The following DENND3 variants were observed in gnomAD, a reference collection of about 807,000 sequenced individuals.
The protein encoded by DENND3 is DENN domain containing 3.
In DENND3, 88 loss-of-function variants were observed where a neutral mutation model predicts 135.1. The ratio of observed to expected loss-of-function variants is 0.65; its 90% CI spans 0.55 to 0.78. DENND3 has a LOEUF of 0.78. DENND3 is among the 30% of genes least tolerant of loss of function. The pLI is 0.00. For missense variants in DENND3, 1,392 were observed against 1,688.4 expected (o/e 0.82, Z 3.08); for synonymous variants, 693 against 712.3 (o/e 0.97, Z 0.43).
intron 8 of DENND3, among the ~76,000 whole-genome samples, chr8:141,159,087 G>A (rs1211581688): frequency 6.6e-6 from 1 of 152,232 alleles, no homozygotes; most frequent in East Asian, 1.9e-4. Context: ...AAGGGTAGTT[G>A]CCCAAGTCCT....
In DENND3 at chr8:141,151,662, C is replaced by T. The variant is rs759722612; in HGVS notation, c.899C>T (p.Ser300Phe). ...ACGGAACAGCGGATCGTCTTCTTCT[C>T]CTCGGACTGGGCTCTGCTGACGCTG... is the stretch of plus-strand genomic sequence containing the variant. ...ILTEQRIVFF[S>F]SDWALLTLVT... The change falls in exon 7 of 23, where the codon TCC (serine) becomes TTC (phenylalanine). Residue 300 changes from serine to phenylalanine, a missense_variant. Coordinates refer to ENST00000519811, the MANE Select transcript of DENND3 (RefSeq NM_001352890.3). 1.2e-6 allele frequency: 2 copies of T among 1,614,088 alleles called. No individual in the cohort carries two copies. Among genetic ancestry groups the T allele is most frequent in the East Asian group, 2.2e-5 (1 of 44,874 alleles).
At position 141,156,347 on chromosome 8, in the gene DENND3, C is replaced by T. The variant is rs543948294; in HGVS notation, c.1196+377C>T. On this transcript the variant is annotated intron_variant, in intron 8 of 22. Transcript: ENST00000519811. ...TCAAGTGATCTGCCCACCTTGGCTT[C>T]CCAAAGTGCTGGGATTACAGGTGTG... Among the ~76,000 whole-genome samples the T allele has an allele frequency of 8.5e-5, 13 of 152,258 alleles. No homozygotes were observed. In the East Asian group the frequency reaches 1.4e-3, roughly 16 times the overall value.
intron 8 of DENND3, chr8:141,157,440 C>T: frequency 1.0e-6 from 1 of 985,526 alleles, no homozygotes; most frequent in Non-Finnish European, 1.2e-6. Context: ...CTTGAGTCCT[C>T]ACAACCTGTG....
chr8:141,138,132 C>G lies in DENND3; in HGVS notation c.496C>G (p.Leu166Val). ...CGTGGTGGCCCAGTACTACCGGCCCCTGCATGTAGGTGGTTCCCGTTACTC... is the reference window on the plus strand; with the variant it reads ...CGTGGTGGCCCAGTACTACCGGCCCGTGCATGTAGGTGGTTCCCGTTACTC... ...YGVVAQYYRP[L>V]HDEYCFYNGK... Residue 166 changes from leucine (L) to valine (V), a missense_variant, in exon 3 of 23, where the codon CTG (leucine) becomes GTG (valine). By Grantham distance (32) the Leu-to-Val change is conservative. Coordinates refer to ENST00000519811, the MANE Select transcript of DENND3 (RefSeq NM_001352890.3). The surrounding 1 kb of genome is among the most constrained non-coding windows in gnomAD (Gnocchi z 4.8). The G allele has an allele frequency of 6.2e-7, 1 of 1,602,672 alleles. No individual in the cohort carries two copies. Among genetic ancestry groups the G allele is most frequent in the Non-Finnish European group, 8.5e-7 (1 of 1,173,826 alleles).
Position 141,151,603 on chromosome 8 carries a change from C to T in DENND3, c.856-16C>T, listed in dbSNP as rs375291304. On this transcript the variant is annotated splice_polypyrimidine_tract_variant and intron_variant, in intron 6 of 22. Coordinates refer to ENST00000519811, the MANE Select transcript of DENND3 (RefSeq NM_001352890.3). ...TTTTAAAAGCATGTACTCAGTGCGG[C>T]GGGTTCTCCCCTCAGATCCTGACAT... 1.1e-5 allele frequency: 17 copies of T among 1,609,956 alleles called. No individual in the cohort carries two copies. Among genetic ancestry groups the T allele is most frequent in the African/African-American group, 4.0e-5 (3 of 74,752 alleles).
Position 141,175,942 on chromosome 8 carries a change from A to T in DENND3, c.2535+483A>T, listed in dbSNP as rs181093206. On this transcript the variant is annotated intron_variant, in intron 14 of 22. Coordinates refer to ENST00000519811, the MANE Select transcript of DENND3 (RefSeq NM_001352890.3). This position sits in a 1 kb window ranked among gnomAD's most constrained non-coding sequence, Gnocchi z 5.4. ...AATCTTCAAACAGTTTTAACATTAT[A>T]TTCTAAAGGTAGTCATTTTCCCTGT... 2 of 198,288 alleles carry T rather than the reference A, an allele frequency of 1.0e-5. No individual in the cohort carries two copies. The highest frequency in any genetic ancestry group is 5.5e-5 in the Admixed American group (1 of 18,336). The allele number at this position is 198,288 out of a possible 1,614,324, so 12.3% of individuals were successfully genotyped here. A position where few individuals can be genotyped will look rare whatever the true frequency, so the allele number is the denominator to read the frequency against.
At chr8:141,179,439 G>A (rs943081141) in intron 16 of DENND3, among the ~76,000 whole-genome samples, 4 of 152,252 alleles carry the variant, frequency 2.6e-5, no homozygotes, top group African/African-American at 9.6e-5. Context: ...CGGCAGACGA[G>A]GAGCCGCCAT....
intron 10 of DENND3, 84 bp downstream of exon 10, chr8:141,163,513 T>G (rs1820396165): frequency 1.1e-6 from 1 of 920,732 alleles, no homozygotes; most frequent in African/African-American, 1.7e-5. Flanking sequence ...AAAATAAGTG[T>G]TCTCAAGTGT....
At position 141,166,188 on chromosome 8, in the gene DENND3, A is replaced by G. The variant is rs1199375758; in HGVS notation, c.1554-2A>G. The G allele has an allele frequency of 6.2e-7, 1 of 1,613,958 alleles. No homozygotes were observed. Among genetic ancestry groups the G allele is most frequent in the Non-Finnish European group, 8.5e-7 (1 of 1,179,950 alleles). On this transcript the variant is annotated splice_acceptor_variant, in intron 11 of 22. Transcript: ENST00000519811. LOFTEE classifies it high-confidence loss of function. The surrounding 1 kb of genome is among the most constrained non-coding windows in gnomAD (Gnocchi z 4.3). ...CTAACGCGTTGCTTTTTCGTACCCC[A>G]GAATAAATGGAATGCTTCTAAGTCC...
intron 5 of DENND3, among the ~76,000 whole-genome samples, chr8:141,145,838 TATATATATA>T (rs1818032138): frequency 2.4e-5 from 2 of 82,256 alleles, no homozygotes; most frequent in African/African-American, 1.8e-4. Context: ...TATATATATA[TATATATATA>T]TATGTATTTT....
chr8:141,195,706 T>C lies in DENND3; in HGVS notation c.*1473T>C, dbSNP rs1283613724. 2 of 152,210 alleles carry C rather than the reference T, an allele frequency of 1.3e-5. No individual in the cohort carries two copies. The highest frequency in any genetic ancestry group is 2.9e-5 in the Non-Finnish European group (2 of 68,044). The allele number at this position is 152,210 out of a possible 1,614,324, so 9.4% of individuals were successfully genotyped here. A position where few individuals can be genotyped will look rare whatever the true frequency, so the allele number is the denominator to read the frequency against. On this transcript the variant is annotated 3_prime_UTR_variant, in exon 23 of 23. Transcript: ENST00000519811. ...AACACATGAATCCTTATGATAAAAG[T>C]CTGTCAGTCAAAAATACATTTATAA...
At chr8:141,192,962 C>T (rs1023765293) in intron 22 of DENND3, 16 of 1,257,298 alleles carry the variant, frequency 1.3e-5, no homozygotes, top group Non-Finnish European at 1.7e-5. Context: ...ACCAAGGTGT[C>T]GGCAGAGCCG....
intron 1 of DENND3, among the ~76,000 whole-genome samples, chr8:141,132,321 G>A (rs373545166): frequency 1.2e-4 from 18 of 152,102 alleles, no homozygotes; most frequent in East Asian, 9.6e-4. Context: ...TGGGAGGGCC[G>A]TCCCTTTCTA....
intron 1 of DENND3, among the ~76,000 whole-genome samples, chr8:141,135,211 G>A (rs1363470948): frequency 6.6e-6 from 1 of 150,914 alleles, no homozygotes; most frequent in East Asian, 1.9e-4. Context: ...GAGCGCAGTG[G>A]TGTGATCACA....
In DENND3 at chr8:141,153,589, C is replaced by T. The variant is rs566810243; in HGVS notation, c.1074+1752C>T. ...GAAGGGCCCGTTGGCTGGGCCCGGC[C>T]AGGGTCCCCGCTGCGGGGGAGAACA... On this transcript the variant is annotated intron_variant, in intron 7 of 22. Coordinates refer to ENST00000519811, the MANE Select transcript of DENND3 (RefSeq NM_001352890.3). Among the ~76,000 whole-genome samples, 7 of 152,318 alleles carry T rather than the reference C, an allele frequency of 4.6e-5. No individual in the cohort carries two copies. In the South Asian group the frequency reaches 1.4e-3, roughly 32 times the overall value.
intron 10 of DENND3, among the ~76,000 whole-genome samples, chr8:141,164,546 G>A (rs904438195): frequency 6.6e-6 from 1 of 152,206 alleles, no homozygotes; most frequent in African/African-American, 2.4e-5. Flanking sequence ...TTGGCTGTTG[G>A]GAGCGTGACT....
chr8:141,166,522 G>A lies in DENND3; in HGVS notation c.1753+133G>A. The stretch of plus-strand genomic sequence containing the variant: ...TTTTAGCAGCTGAGTTATTTGAAAT[G>A]TTTAGAATATTCATTTTGCCAAGGT... On this transcript the variant is annotated intron_variant, in intron 12 of 22. Coordinates refer to ENST00000519811, the MANE Select transcript of DENND3 (RefSeq NM_001352890.3). The surrounding 1 kb of genome is among the most constrained non-coding windows in gnomAD (Gnocchi z 4.3). The A allele has an allele frequency of 1.0e-6, 1 of 995,940 alleles. No homozygotes were observed. Among genetic ancestry groups the A allele is most frequent in the Non-Finnish European group, 1.4e-6 (1 of 696,014 alleles). 61.7% of individuals were successfully genotyped at this position (995,940 alleles called of 1,614,324 possible).
chr8:141,189,101 CCA>C lies in DENND3; in HGVS notation c.3201_3202del (p.Ser1068CysfsTer62). ...AACAAGCAGCTCACAGCCCACTGCT[CCA>C]GTGTCACGGATTTGATTGTGCAGGA... is the stretch of plus-strand genomic sequence containing the variant. On this transcript the variant is annotated frameshift_variant, in exon 19 of 23. Transcript: ENST00000519811. LOFTEE classifies it high-confidence loss of function. The C allele has an allele frequency of 6.2e-7, 1 of 1,614,204 alleles. No homozygotes were observed. The highest frequency in any genetic ancestry group is 8.5e-7 in the Non-Finnish European group (1 of 1,180,032).
intron 19 of DENND3, 133 bp from the exon 20 acceptor site, chr8:141,190,151 T>C (rs1342073381): frequency 1.6e-5 from 19 of 1,210,760 alleles, no homozygotes; most frequent in South Asian, 2.2e-5. Context: ...TTGCATGTTA[T>C]TATCATGTTT....
Sources: allele counts gnomAD v4.1 joint callset (sites outside exome capture counted in the v4.1 genomes callset), GRCh38; gene constraint gnomAD v4.1.1; non-coding constraint Gnocchi (gnomAD v3.1); transcripts MANE v1.5; gene names NCBI Gene and HGNC (gene_info 2026-07-23, HGNC 2026-07-21).